Variants in MMS22L observed in about 807,000 individuals in gnomAD.
MMS22L encodes MMS22 like, DNA repair protein.
Under a neutral mutation model 159.1 loss-of-function variants are expected in MMS22L, and 74 were observed. The ratio of observed to expected loss-of-function variants is 0.47; its 90% confidence interval spans 0.39 to 0.56. The LOEUF (loss-of-function observed/expected upper bound fraction) is 0.56, where lower values mean the gene tolerates loss of function less well. MMS22L is among the 20% of genes least tolerant of loss of function. MMS22L has a pLI of 0.00. For missense variants in MMS22L, 1,351 were observed against 1,422.1 expected, an observed-to-expected ratio of 0.95 and a Z score of 0.80; for synonymous variants, 517 against 506.9, an observed-to-expected ratio of 1.02 and a Z score of -0.27.
At chr6:97,219,007 C>T (rs1225911452) in intron 14 of MMS22L, among the ~76,000 whole-genome samples, 1 of 152,134 alleles carries the variant, frequency 6.6e-6, no homozygotes, top group Non-Finnish European at 1.5e-5. Flanking sequence ...GCTTATAAAA[C>T]CATCAGATCT....
At chr6:97,267,097 T>G (rs1317887502) in intron 8 of MMS22L, 1 of 152,202 alleles carries the variant, frequency 6.6e-6, no homozygotes, top group Admixed American at 6.5e-5. Flanking sequence ...TAAATATGTA[T>G]AATTTTGTCA....
chr6:97,177,297 T>C (rs1804225167), intron 18 of MMS22L, among the ~76,000 whole-genome samples: 1 of 152,190 alleles, frequency 6.6e-6, no homozygotes, highest in African/African-American at 2.4e-5. Context: ...TACCTACTGA[T>C]TGATCTGTCA....
intron 14 of MMS22L, among the ~76,000 whole-genome samples, chr6:97,191,444 A>G (rs1805854529): frequency 6.6e-6 from 1 of 152,214 alleles, no homozygotes; most frequent in Admixed American, 6.5e-5. Context: ...ATGATGCCTC[A>G]AAGTTTAAGG....
At chr6:97,253,603 G>A (rs1239271317) in intron 10 of MMS22L, 1 of 152,036 alleles carries the variant, frequency 6.6e-6, no homozygotes, top group Non-Finnish European at 1.5e-5. Context: ...GGGACTACAG[G>A]TGTGCGTCAC....
rs185063506 is a variant in MMS22L at position 97,231,142 on chromosome 6, G to T, written c.1529+284C>A. The stretch of plus-strand genomic sequence containing the variant: ...ATTAGTTATCTGGTTCTACTATACT[G>T]TGGTCAGTTCTCATTTAAAAAACAA... On this transcript the variant is annotated intron_variant, in intron 13 of 24. Coordinates refer to ENST00000683635, the MANE Select transcript of MMS22L (RefSeq NM_001350599.2). The T allele has an allele frequency of 6.3e-4, 210 of 331,134 alleles. 2 individuals carry two copies. Among genetic ancestry groups the T allele is most frequent in the African/African-American group, 3.8e-3 (182 of 48,072 alleles). 20.5% of individuals were successfully genotyped at this position (331,134 alleles called of 1,614,324 possible).
At chr6:97,280,341 G>GT (rs1010720017) in intron 3 of MMS22L, among the ~76,000 whole-genome samples, 25 of 149,076 alleles carry the variant, frequency 1.7e-4, no homozygotes, top group South Asian at 6.4e-4. Context: ...ATTGAGATGA[G>GT]TTTTTTTTTT....
In MMS22L at chr6:97,282,337, G is replaced by A. The variant is rs943323807; in HGVS notation, c.141C>T (p.Tyr47=). The change falls in exon 2 of 25, where the codon TAC becomes TAT. Residue 47 remains tyrosine, a synonymous_variant. Transcript: ENST00000683635. ...GGGKHFSGES[Y]LCSGALKRLI... ...ACCGCTTAAGGGCTCCGCTGCAGAG[G>A]TAGGATTCTCCAGAAAAATGTTTTC... 6.2e-7 allele frequency: 1 copy of A among 1,614,146 alleles called. No individual in the cohort carries two copies. The highest frequency in any genetic ancestry group is 8.5e-7 in the Non-Finnish European group (1 of 1,180,024).
At chr6:97,220,957 G>GACACAC (rs71012586) in intron 14 of MMS22L, among the ~76,000 whole-genome samples, 57 of 143,600 alleles carry the variant, frequency 4.0e-4, no homozygotes, top group East Asian at 1.9e-3. Flanking sequence ...TAAGACCCCT[G>GACACAC]ACACACACAC....
intron 16 of MMS22L, 150 bp from the exon 17 acceptor site, chr6:97,179,709 G>T (rs995795693): frequency 5.8e-5 from 31 of 534,660 alleles, no homozygotes; most frequent in Admixed American, 1.9e-4. Context: ...ATGCATTGTT[G>T]AAAATGAATA....
At chr6:97,233,787 A>G in intron 12 of MMS22L, 74 bp downstream of exon 12, 1 of 1,459,652 alleles carries the variant, frequency 6.9e-7, no homozygotes, top group South Asian at 1.5e-5. Flanking sequence ...TTCATAATTA[A>G]ACCATAAAGA....
At chr6:97,151,624 C>A in intron 23 of MMS22L, 147 bp downstream of exon 23, 2 of 651,380 alleles carry the variant, frequency 3.1e-6, no homozygotes, top group South Asian at 4.2e-5. Context: ...CACAGTGTAA[C>A]AAAACTACTG....
chr6:97,153,464 C>T (rs35049715), intron 22 of MMS22L, among the ~76,000 whole-genome samples: 7,496 of 149,778 alleles, frequency 0.05, 245 homozygotes, highest in African/African-American at 0.087. Context: ...CTCTGCCTCC[C>T]GGGTTCAAGC....
intron 11 of MMS22L, among the ~76,000 whole-genome samples, chr6:97,234,653 G>A (rs1811210117): frequency 1.3e-5 from 2 of 152,124 alleles, no homozygotes; most frequent in African/African-American, 2.4e-5. Flanking sequence ...TGTACTGGTA[G>A]AGCTTACATT....
chr6:97,202,079 A>C (rs141275978), intron 14 of MMS22L, among the ~76,000 whole-genome samples: 5 of 152,190 alleles, frequency 3.3e-5, no homozygotes, highest in East Asian at 3.9e-4. Context: ...TATTCTTCTT[A>C]TAACAACATA....
chr6:97,267,548 T>C (rs1286578973), intron 8 of MMS22L: 1 of 161,750 alleles, frequency 6.2e-6, no homozygotes, highest in Admixed American at 6.4e-5. Flanking sequence ...AGAGCTGGCC[T>C]CTACTATTTG....
chr6:97,228,785 T>A, intron 14 of MMS22L, 109 bp downstream of exon 14: 1 of 1,049,072 alleles, frequency 9.5e-7, no homozygotes, highest in South Asian at 1.8e-5. Context: ...CCTCTACATT[T>A]GGATTTCATG....
chr6:97,178,125 C>T (rs1804310523), intron 18 of MMS22L, among the ~76,000 whole-genome samples: 2 of 152,136 alleles, frequency 1.3e-5, no homozygotes, highest in Non-Finnish European at 1.5e-5. Context: ...AGTTCCCAAG[C>T]ATCTGAACAA....
At chr6:97,166,699 A>G (rs751822162) in intron 20 of MMS22L, among the ~76,000 whole-genome samples, 3 of 152,158 alleles carry the variant, frequency 2.0e-5, no homozygotes, top group Non-Finnish European at 4.4e-5. Context: ...ATAATACACC[A>G]AACTTTTAAA....
At chr6:97,205,823 T>C (rs1204355699) in intron 14 of MMS22L, among the ~76,000 whole-genome samples, 5 of 152,104 alleles carry the variant, frequency 3.3e-5, no homozygotes, top group Non-Finnish European at 5.9e-5. Flanking sequence ...AATCCCTTCT[T>C]CAGACATAAA....
Sources: allele counts gnomAD v4.1 joint callset (sites outside exome capture counted in the v4.1 genomes callset), GRCh38; gene constraint gnomAD v4.1.1; transcripts MANE v1.5; gene names NCBI Gene and HGNC (gene_info 2026-07-23, HGNC 2026-07-21).